Variants in CDH17 observed in about 807,000 individuals in gnomAD.
CDH17 encodes the protein cadherin-17.
CDH17 carries 67 observed loss-of-function variants against 86.3 expected under a neutral mutation model. The observed-to-expected ratio is 0.78, with a 90% confidence interval of 0.64 to 0.95. The LOEUF is 0.95. CDH17 is among the 40% of genes least tolerant of loss of function. CDH17 has a pLI of 0.00. For synonymous variants in CDH17, 367 were observed against 366.4 expected, an observed-to-expected ratio of 1.00 and a Z score of -0.02; for missense variants, 993 against 1,017.6, an observed-to-expected ratio of 0.98 and a Z score of 0.33.
At chr8:94,191,449 C>CTTTT (rs34208252) in intron 2 of CDH17, among the ~76,000 whole-genome samples, 1 of 119,842 alleles carries the variant, frequency 8.3e-6, no homozygotes, top group Non-Finnish European at 1.7e-5. Context: ...CAAGAAAATG[C>CTTTT]TTTTTTTTTT....
chr8:94,144,897 A>G (rs1290446903), intron 15 of CDH17, among the ~76,000 whole-genome samples: 1 of 152,214 alleles, frequency 6.6e-6, no homozygotes, highest in Non-Finnish European at 1.5e-5. Context: ...CAAATTGCAT[A>G]TGAAAAGATG....
rs1451062572 is a variant in CDH17, at chr8:94,152,127, G to C, written c.1552-15C>G. 1.2e-6 allele frequency: 2 copies of C among 1,611,592 alleles called. No individual in the cohort carries two copies. The highest frequency in any genetic ancestry group is 2.2e-5 in the East Asian group (1 of 44,830). ...AAATCAAGAGGCTGTGTAGGAGAAA[G>C]AGAGAAAATTAATTTTGGGGTGATT... On this transcript the variant is annotated splice_polypyrimidine_tract_variant and intron_variant, in intron 12 of 17. Coordinates refer to ENST00000027335, the MANE Select transcript of CDH17 (RefSeq NM_004063.4).
chr8:94,206,633 A>G (rs1178958860), intron 1 of CDH17, among the ~76,000 whole-genome samples: 7 of 128,034 alleles, frequency 5.5e-5, no homozygotes, highest in Non-Finnish European at 1.1e-4. Context: ...TTTGCACATC[A>G]TCCAGATTTT....
intron 1 of CDH17, among the ~76,000 whole-genome samples, chr8:94,213,609 T>C (rs1402686466): frequency 3.0e-5 from 4 of 133,146 alleles, no homozygotes; most frequent in African/African-American, 8.4e-5. Context: ...CTGAGACCTA[T>C]CTCTGTCTCT....
At chr8:94,159,543 A>G (rs1387958771) in intron 12 of CDH17, among the ~76,000 whole-genome samples, 1 of 152,282 alleles carries the variant, frequency 6.6e-6, no homozygotes, top group East Asian at 1.9e-4. Context: ...CGAGACCCTG[A>G]GTGCCACTCC....
Position 94,206,064 on chromosome 8 carries a change from G to A in CDH17, c.-21+2419C>T, listed in dbSNP as rs188451945. Among the ~76,000 whole-genome samples the A allele has an allele frequency of 9.2e-5, 14 of 152,140 alleles. No homozygotes were observed. The East Asian group carries it at 2.5e-3, about 27-fold the overall frequency. On this transcript the variant is annotated intron_variant, in intron 1 of 17. Coordinates refer to ENST00000027335, the MANE Select transcript of CDH17 (RefSeq NM_004063.4). Reference sequence around the variant, plus strand: ...AATAACTCAGAAATATCATGAATGAGAGAATTCCATGTCAGTCTTACAGAA... The same window carrying A: ...AATAACTCAGAAATATCATGAATGAAAGAATTCCATGTCAGTCTTACAGAA...
At chr8:94,172,302 C>A (rs1457524767) in intron 7 of CDH17, among the ~76,000 whole-genome samples, 1 of 151,868 alleles carries the variant, frequency 6.6e-6, no homozygotes, top group African/African-American at 2.4e-5. Context: ...AATCAGAATT[C>A]TTCCTGCTGT....
chr8:94,134,584 T>C (rs1812484963), intron 15 of CDH17, among the ~76,000 whole-genome samples: 3 of 152,216 alleles, frequency 2.0e-5, no homozygotes, highest in Non-Finnish European at 4.4e-5. Context: ...TCTATCAATT[T>C]TGTTGATCTT....
In CDH17 at chr8:94,177,605, T is replaced by C; in HGVS notation, c.267A>G (p.Arg89=). 6.2e-7 allele frequency: 1 copy of C among 1,613,856 alleles called. No homozygotes were observed. The highest frequency in any genetic ancestry group is 8.5e-7 in the Non-Finnish European group (1 of 1,179,812). The change falls in exon 4 of 18, where the codon AGA becomes AGG. Residue 89 remains arginine (R), a synonymous_variant. Coordinates refer to ENST00000027335, the MANE Select transcript of CDH17 (RefSeq NM_004063.4). ...YYNRALDRET[R]STHNLQVAAL... ...AATTTACCTGGAGATTGTGAGTAGA[T>C]CTTGTTTCCCTGTCCAAGGCTCTGT...
intron 12 of CDH17, among the ~76,000 whole-genome samples, chr8:94,152,468 A>C (rs1389365185): frequency 6.6e-6 from 1 of 152,158 alleles, no homozygotes; most frequent in African/African-American, 2.4e-5. Context: ...ATCTTGGCTC[A>C]CTGCAAGCTC....
Position 94,148,541 on chromosome 8 carries a change from CAAAAAAAAA to C in CDH17, c.1927+194_1927+202del, listed in dbSNP as rs59942237. On this transcript the variant is annotated intron_variant, in intron 14 of 17. Coordinates refer to ENST00000027335, the MANE Select transcript of CDH17 (RefSeq NM_004063.4). The stretch of plus-strand genomic sequence containing the variant: ...TGGGCAACAGAGCAAGACTCCATCT[CAAAAAAAAA>C]AAAAAAAAAAAAAAAAAAAGGAAGA... Among the ~76,000 whole-genome samples the C allele has an allele frequency of 2.4e-3, 70 of 29,190 alleles. 2 individuals carry two copies. The East Asian group carries it at 0.071, about 30-fold the overall frequency. The allele number at this position is 29,190 out of a possible 152,430, so 19.1% of individuals were successfully genotyped here. A position where few individuals can be genotyped will look rare whatever the true frequency, so the allele number is the denominator to read the frequency against.
Position 94,146,007 on chromosome 8 carries a change from G to A in CDH17, c.2088C>T (p.His696=), listed in dbSNP as rs749897354. The A allele has an allele frequency of 2.2e-5, 36 of 1,613,754 alleles. No individual in the cohort carries two copies. The highest frequency in any genetic ancestry group is 2.9e-5 in the Non-Finnish European group (34 of 1,179,906). The change falls in exon 15 of 18, where the codon CAC becomes CAT. Residue 696 remains histidine, a synonymous_variant. Coordinates refer to ENST00000027335, the MANE Select transcript of CDH17 (RefSeq NM_004063.4). ...ATGTAAAATGGGGACCCCGAAATAA[G>A]TGCTGATCATCATCAGTAGCCTCGA... ...LIFEATDDDQ[H]LFRGPHFTFS...
intron 12 of CDH17, among the ~76,000 whole-genome samples, chr8:94,154,359 G>A (rs938182197): frequency 1.3e-5 from 2 of 152,120 alleles, no homozygotes; most frequent in African/African-American, 4.8e-5. Context: ...CAACAGAAAT[G>A]TATTGATTCT....
At chr8:94,204,402 T>C (rs1813984096) in intron 1 of CDH17, among the ~76,000 whole-genome samples, 1 of 152,170 alleles carries the variant, frequency 6.6e-6, no homozygotes, top group Admixed American at 6.5e-5. Context: ...CAGAGTTTGG[T>C]TTTCTGTTCC....
chr8:94,174,954 T>C (rs1015951440), intron 5 of CDH17, among the ~76,000 whole-genome samples: 14 of 152,296 alleles, frequency 9.2e-5, no homozygotes, highest in Admixed American at 6.5e-5. Context: ...ATTTCTAATA[T>C]AGTAAATGTT....
In CDH17 at chr8:94,194,690, T is replaced by G. The variant is rs1314487224; in HGVS notation, c.-5A>C. ...AAGATGGGCCTGAAGTATCATAGTT[T>G]TCTTTATTCAAATTCCTGTGAAGGA... On this transcript the variant is annotated 5_prime_UTR_variant, in exon 2 of 18. Coordinates refer to ENST00000027335, the MANE Select transcript of CDH17 (RefSeq NM_004063.4). 6.3e-7 allele frequency: 1 copy of G among 1,596,554 alleles called. No individual in the cohort carries two copies. Among genetic ancestry groups the G allele is most frequent in the Non-Finnish European group, 8.6e-7 (1 of 1,168,876 alleles).
At chr8:94,204,995 C>T (rs1813997156) in intron 1 of CDH17, among the ~76,000 whole-genome samples, 1 of 152,020 alleles carries the variant, frequency 6.6e-6, no homozygotes, top group African/African-American at 2.4e-5. Context: ...GCAATCAGAC[C>T]TTGACGATGA....
Position 94,145,950 on chromosome 8 carries a change from G to A in CDH17, c.2145C>T (p.Asp715=), listed in dbSNP as rs1586239112. The change falls in exon 15 of 18, where the codon GAC becomes GAT. Residue 715 remains aspartate (D), a synonymous_variant. Coordinates refer to ENST00000027335, the MANE Select transcript of CDH17 (RefSeq NM_004063.4). ...CACCATTGATTTTGGAAACTTCCCA[G>A]TCGTTTTGTAAGCTTCCACTGCCGA... ...FSLGSGSLQN[D]WEVSKINGTH... is the part of the protein sequence containing the mutation. 1.9e-6 allele frequency: 3 copies of A among 1,612,976 alleles called. No individual in the cohort carries two copies. The highest frequency in any genetic ancestry group is 2.5e-6 in the Non-Finnish European group (3 of 1,179,562).
At chr8:94,161,702 A>G (rs1813055521) in intron 11 of CDH17, among the ~76,000 whole-genome samples, 1 of 152,200 alleles carries the variant, frequency 6.6e-6, no homozygotes, top group Admixed American at 6.5e-5. Flanking sequence ...CAAATATTAA[A>G]TTTTTGGCTA....
Sources: allele counts gnomAD v4.1 joint callset (sites outside exome capture counted in the v4.1 genomes callset), GRCh38; gene constraint gnomAD v4.1.1; transcripts MANE v1.5; gene names NCBI Gene and HGNC (gene_info 2026-07-23, HGNC 2026-07-21).